ZNF704: variants seen among roughly 807,000 people sequenced by gnomAD.
ZNF704 encodes glucocorticoid induced gene 1.
In ZNF704, 10 loss-of-function variants were observed where a neutral mutation model predicts 44.7. That is an observed-to-expected ratio of 0.22 (90% CI 0.14 to 0.38). ZNF704 has a LOEUF of 0.38. ZNF704 is among the 10% of genes least tolerant of loss of function. The pLI, the probability that ZNF704 is intolerant of heterozygous loss-of-function variation, is 1.00. For missense variants in ZNF704, 390 were observed against 545.5 expected, an observed-to-expected ratio of 0.71 and a Z score of 2.84; for synonymous variants, 211 against 207.6, an observed-to-expected ratio of 1.02 and a Z score of -0.14.
At chr8:80,748,911 C>CAT (rs1806893723) in intron 2 of ZNF704, among the ~76,000 whole-genome samples, 3 of 152,188 alleles carry the variant, frequency 2.0e-5, no homozygotes, top group African/African-American at 7.2e-5. Context: ...TCCATTCAAA[C>CAT]CCTGGTTCAT....
intron 2 of ZNF704, among the ~76,000 whole-genome samples, chr8:80,717,573 C>T (rs931294870): frequency 6.6e-6 from 1 of 152,190 alleles, no homozygotes; most frequent in Non-Finnish European, 1.5e-5. Flanking sequence ...TCCTCTTTGC[C>T]AATCTGAACT....
chr8:80,870,513 T>C (rs1809233734), intron 1 of ZNF704, among the ~76,000 whole-genome samples: 1 of 152,190 alleles, frequency 6.6e-6, no homozygotes, highest in East Asian at 1.9e-4. Flanking sequence ...CTCTCTCTCT[T>C]TCTTATTCTA....
chr8:80,793,506 C>A (rs1807747947), intron 2 of ZNF704, among the ~76,000 whole-genome samples: 1 of 151,848 alleles, frequency 6.6e-6, no homozygotes, highest in African/African-American at 2.4e-5. Context: ...TTAAAAAGTT[C>A]AAAACATCAT....
intron 1 of ZNF704, among the ~76,000 whole-genome samples, chr8:80,825,579 A>T (rs572606726): frequency 6.6e-6 from 1 of 152,322 alleles, no homozygotes; most frequent in South Asian, 2.1e-4. Flanking sequence ...AGCAGACCTA[A>T]TAGACATCTA....
rs534221315 is a variant in ZNF704, at chr8:80,706,901, G to A, written c.222-13794C>T. Among the ~76,000 whole-genome samples, 226 of 152,304 alleles carry A rather than the reference G, an allele frequency of 1.5e-3. 2 individuals carry two copies. Among genetic ancestry groups the A allele is most frequent in the African/African-American group, 5.2e-3 (216 of 41,568 alleles). On this transcript the variant is annotated intron_variant, in intron 2 of 8. Coordinates refer to ENST00000327835, the MANE Select transcript of ZNF704 (RefSeq NM_001033723.3). ...TACACTGTGAAGAGCGGGACAAACC[G>A]ATGAGTGACAGACTACTGAATCAAT...
At chr8:80,709,926 G>A (rs779465720) in intron 2 of ZNF704, among the ~76,000 whole-genome samples, 2 of 152,132 alleles carry the variant, frequency 1.3e-5, no homozygotes, top group Non-Finnish European at 2.9e-5. Flanking sequence ...CCCTCCACAA[G>A]TGCTATTTCC....
In ZNF704 at chr8:80,634,990, T is replaced by C. The variant is rs1214790094; in HGVS notation, c.*6376A>G. On this transcript the variant is annotated 3_prime_UTR_variant, in exon 9 of 9. Coordinates refer to ENST00000327835, the MANE Select transcript of ZNF704 (RefSeq NM_001033723.3). ...GGCTTTCCCTAACTCTGTGCATTTC[T>C]AGTCCTCAAGTGTGCAGATTCTAAA... 6.6e-6 allele frequency: 1 copy of C among 152,208 alleles called. No homozygotes were observed. Among genetic ancestry groups the C allele is most frequent in the Non-Finnish European group, 1.5e-5 (1 of 68,032 alleles). The allele number at this position is 152,208 out of a possible 1,614,324, so 9.4% of individuals were successfully genotyped here.
intron 2 of ZNF704, among the ~76,000 whole-genome samples, chr8:80,739,154 A>G (rs1193025024): frequency 1.3e-5 from 2 of 152,246 alleles, no homozygotes; most frequent in Non-Finnish European, 2.9e-5. Flanking sequence ...ATCAAAGATT[A>G]CACATCATAT....
chr8:80,850,550 C>T (rs1808841398), intron 1 of ZNF704, among the ~76,000 whole-genome samples: 1 of 152,238 alleles, frequency 6.6e-6, no homozygotes, highest in Non-Finnish European at 1.5e-5. Flanking sequence ...ACCCTCCTTC[C>T]TGTTTCTTGG....
chr8:80,812,287 G>A (rs1808100375), intron 2 of ZNF704: 1 of 166,216 alleles, frequency 6.0e-6, no homozygotes, highest in Non-Finnish European at 1.3e-5. Context: ...TATTTTTTCT[G>A]CAGCTTTGCA....
At chr8:80,761,770 A>G (rs1807135813) in intron 2 of ZNF704, among the ~76,000 whole-genome samples, 1 of 152,262 alleles carries the variant, frequency 6.6e-6, no homozygotes, top group African/African-American at 2.4e-5. Context: ...AAGTTATGAG[A>G]AGACAAATCA....
chr8:80,881,070 G>A, the ZNF704 span, among the ~76,000 whole-genome samples: 2 of 152,138 alleles, frequency 1.3e-5, no homozygotes, highest in Non-Finnish European at 2.9e-5. Flanking sequence ...AGTGTTAAAT[G>A]GTAGCTTTGC....
intron 2 of ZNF704, among the ~76,000 whole-genome samples, chr8:80,762,047 T>C (rs559164897): frequency 6.6e-6 from 1 of 152,324 alleles, no homozygotes; most frequent in South Asian, 2.1e-4. Flanking sequence ...TATTTCTACA[T>C]ATGCGCACAA....
intron 1 of ZNF704, among the ~76,000 whole-genome samples, chr8:80,865,604 T>G (rs1809141682): frequency 6.6e-6 from 1 of 152,246 alleles, no homozygotes; most frequent in South Asian, 2.1e-4. Context: ...TTGGAGCACT[T>G]TTGACATTCA....
At chr8:80,741,329 T>C (rs561099075) in intron 2 of ZNF704, among the ~76,000 whole-genome samples, 1 of 152,154 alleles carries the variant, frequency 6.6e-6, no homozygotes, top group Non-Finnish European at 1.5e-5. Context: ...GACTTTTCTT[T>C]ATATGTCACA....
chr8:80,690,090 A>G (rs982509312), intron 3 of ZNF704, among the ~76,000 whole-genome samples: 3 of 152,052 alleles, frequency 2.0e-5, no homozygotes, highest in African/African-American at 7.2e-5. Flanking sequence ...ATTATAATAA[A>G]TTGCTTCCCC....
At chr8:80,834,695 C>T (rs1368991777) in intron 1 of ZNF704, among the ~76,000 whole-genome samples, 3 of 152,114 alleles carry the variant, frequency 2.0e-5, no homozygotes, top group Non-Finnish European at 2.9e-5. Context: ...CACCACCTGC[C>T]CTGACAGGCC....
intron 4 of ZNF704, among the ~76,000 whole-genome samples, chr8:80,678,514 A>G (rs913478215): frequency 6.6e-6 from 1 of 152,208 alleles, no homozygotes; most frequent in Admixed American, 6.5e-5. Context: ...AGAAACACCT[A>G]TAACTTTGAG....
intron 2 of ZNF704, among the ~76,000 whole-genome samples, chr8:80,761,846 C>T (rs181780735): frequency 2.1e-4 from 32 of 152,298 alleles, no homozygotes; most frequent in African/African-American, 7.2e-4. Context: ...ATTGTGTACA[C>T]CCAGCTTTAT....
Sources: allele counts gnomAD v4.1 joint callset (sites outside exome capture counted in the v4.1 genomes callset), GRCh38; gene constraint gnomAD v4.1.1; transcripts MANE v1.5; gene names NCBI Gene and HGNC (gene_info 2026-07-23, HGNC 2026-07-21).